The following RIMBP2 variants were observed in gnomAD, a reference collection of about 807,000 sequenced individuals.
RIMBP2 encodes the protein RIMS binding protein 2.
A neutral mutation model predicts 118.6 loss-of-function variants in RIMBP2; 48 were observed. That is an observed-to-expected ratio of 0.40 (90% CI 0.32 to 0.51). RIMBP2 has a LOEUF of 0.51. Ranked by LOEUF, RIMBP2 falls within the 20% of genes least tolerant of loss-of-function variation. The pLI, the probability that RIMBP2 is intolerant of heterozygous loss-of-function variation, is 0.41. For missense variants in RIMBP2, 1,551 were observed against 1,768.3 expected (o/e 0.88, Z 2.20); for synonymous variants, 762 against 742.9 (o/e 1.03, Z -0.42).
chr12:130,431,452 A>G lies in RIMBP2; in HGVS notation c.2254-3115T>C, dbSNP rs57341561. 573 of 411,460 alleles carry G rather than the reference A, an allele frequency of 1.4e-3. 2 individuals are homozygous for G. Among genetic ancestry groups the G allele is most frequent in the African/African-American group, 0.01 (503 of 49,672 alleles). 25.5% of individuals were successfully genotyped at this position (411,460 alleles called of 1,614,324 possible). A position where few individuals can be genotyped will look rare whatever the true frequency, so the allele number is the denominator to read the frequency against. On this transcript the variant is annotated intron_variant, in intron 14 of 22. Transcript: ENST00000690449. The surrounding 1 kb of genome is among the most constrained non-coding windows in gnomAD (Gnocchi z 4.0). ...CGTCACCTAGCCAGACGCCATCTGT[A>G]TGATTAATGAATGTATTCTTTGAAT... is the stretch of plus-strand genomic sequence containing the variant.
intron 21 of RIMBP2, among the ~76,000 whole-genome samples, chr12:130,403,364 A>AACTT (rs1231301618): frequency 6.6e-6 from 1 of 152,220 alleles, no homozygotes; most frequent in Non-Finnish European, 1.5e-5. Context: ...ATAATATAAA[A>AACTT]ACTTAGGGAA....
intron 1 of RIMBP2, among the ~76,000 whole-genome samples, chr12:130,659,656 C>G (rs1210671982): frequency 6.6e-6 from 1 of 151,268 alleles, no homozygotes; most frequent in Non-Finnish European, 1.5e-5. Context: ...ACCATTTCAA[C>G]ATGGAATGAA....
Position 130,424,633 on chromosome 12 carries a change from G to T in RIMBP2, c.2638C>A (p.Arg880=). The T allele has an allele frequency of 8.1e-7, 1 of 1,231,882 alleles. No homozygotes were observed. The allele number at this position is 1,231,882 out of a possible 1,614,324, so 76.3% of individuals were successfully genotyped here. ...GRPYRGDEAP[R]GSWFPVKHRG... is the part of the protein sequence containing the mutation. Reference sequence around the variant, plus strand: ...TGCTTCACCGGGAACCAGGAGCCCCGAGGGGCCTCGTCGCCCCTGTAGGGC... The same window carrying T: ...TGCTTCACCGGGAACCAGGAGCCCCTAGGGGCCTCGTCGCCCCTGTAGGGC... The change falls in exon 16 of 23, where the codon CGG becomes AGG. Residue 880 remains arginine (R), a synonymous_variant. Transcript: ENST00000690449. The surrounding 1 kb of genome is among the most constrained non-coding windows in gnomAD (Gnocchi z 9.8).
intron 1 of RIMBP2, among the ~76,000 whole-genome samples, chr12:130,642,378 G>A (rs868234090): frequency 3.3e-5 from 5 of 152,026 alleles, no homozygotes; most frequent in Admixed American, 6.6e-5. Context: ...TCCACCTCCC[G>A]GGTTCAAGGA....
chr12:130,629,755 T>C (rs2061867746), intron 1 of RIMBP2, among the ~76,000 whole-genome samples: 1 of 152,160 alleles, frequency 6.6e-6, no homozygotes, highest in Non-Finnish European at 1.5e-5. Context: ...ATGTTTGACA[T>C]GAGGAGATTC....
chr12:130,445,565 T>G lies in RIMBP2; in HGVS notation c.582-296A>C, dbSNP rs540897222. Among the ~76,000 whole-genome samples the G allele has an allele frequency of 3.3e-3, 503 of 152,348 alleles. 2 individuals are homozygous for G. Among genetic ancestry groups the G allele is most frequent in the African/African-American group, 0.011 (467 of 41,578 alleles). ...ACATTCTATTCACACTTATCTCTTCTGCTGTAACTATACATCTCCAAATTA... is the reference window on the plus strand; with the variant it reads ...ACATTCTATTCACACTTATCTCTTCGGCTGTAACTATACATCTCCAAATTA... On this transcript the variant is annotated intron_variant, in intron 9 of 22. Transcript: ENST00000690449.
intron 1 of RIMBP2, among the ~76,000 whole-genome samples, chr12:130,675,042 A>G (rs2064388163): frequency 6.6e-6 from 1 of 152,158 alleles, no homozygotes; most frequent in Non-Finnish European, 1.5e-5. Flanking sequence ...AGCTTTTTAC[A>G]GATGTTCCCA....
chr12:130,529,117 A>G (rs1298067288), intron 2 of RIMBP2, among the ~76,000 whole-genome samples: 2 of 146,696 alleles, frequency 1.4e-5, no homozygotes, highest in East Asian at 2.0e-4. Context: ...TCTTCAGCCT[A>G]CAGAAGGAAT....
chr12:130,715,171 T>C (rs1566478795), intron 1 of RIMBP2, among the ~76,000 whole-genome samples: 1 of 152,248 alleles, frequency 6.6e-6, no homozygotes, highest in Admixed American at 6.5e-5. Context: ...TTCACCCTTG[T>C]GAGCAGAGTC....
chr12:130,474,296 CT>C (rs1164587472), intron 5 of RIMBP2, among the ~76,000 whole-genome samples: 2 of 152,238 alleles, frequency 1.3e-5, no homozygotes, highest in Non-Finnish European at 2.9e-5. Context: ...CAGGCATTTA[CT>C]GAATGTTAAT....
chr12:130,637,014 C>T (rs985761429), intron 1 of RIMBP2, among the ~76,000 whole-genome samples: 5 of 152,164 alleles, frequency 3.3e-5, no homozygotes, highest in African/African-American at 7.2e-5. Flanking sequence ...AAGGTGTGTA[C>T]GCTATGCCTA....
At chr12:130,464,449 T>C (rs2080277224) in intron 6 of RIMBP2, among the ~76,000 whole-genome samples, 1 of 152,110 alleles carries the variant, frequency 6.6e-6, no homozygotes, top group Admixed American at 6.5e-5. Context: ...CCAGGCCCTC[T>C]GATTTCATAG....
intron 2 of RIMBP2, among the ~76,000 whole-genome samples, chr12:130,533,820 AT>A (rs1461755865): frequency 6.6e-6 from 1 of 152,206 alleles, no homozygotes; most frequent in Non-Finnish European, 1.5e-5. Flanking sequence ...CAAATACTGC[AT>A]GTTCTCAGTC....
chr12:130,579,990 C>T (rs1417306331), intron 2 of RIMBP2, among the ~76,000 whole-genome samples: 2 of 143,116 alleles, frequency 1.4e-5, no homozygotes. Flanking sequence ...CAAGACCAGC[C>T]TGGCCAACAT....
intron 21 of RIMBP2, among the ~76,000 whole-genome samples, chr12:130,402,397 A>G (rs979799264): frequency 1.3e-5 from 2 of 152,106 alleles, no homozygotes; most frequent in Non-Finnish European, 2.9e-5. Context: ...AGAACGCTGG[A>G]TAAGATCATC....
At chr12:130,611,485 C>G (rs2060547815) in intron 2 of RIMBP2, among the ~76,000 whole-genome samples, 1 of 152,228 alleles carries the variant, frequency 6.6e-6, no homozygotes, top group African/African-American at 2.4e-5. Flanking sequence ...CGATCCTCCG[C>G]TGGAAGACAC....
At chr12:130,569,066 C>T (rs956338999) in intron 2 of RIMBP2, among the ~76,000 whole-genome samples, 5 of 152,022 alleles carry the variant, frequency 3.3e-5, no homozygotes, top group African/African-American at 1.2e-4. Flanking sequence ...TTATGACTGT[C>T]TTCAGTTCCG....
intron 1 of RIMBP2, among the ~76,000 whole-genome samples, chr12:130,709,877 A>G (rs1419487760): frequency 6.6e-6 from 1 of 152,052 alleles, no homozygotes; most frequent in African/African-American, 2.4e-5. Context: ...AAATGGCCAA[A>G]TGGGCTTTCT....
At chr12:130,666,273 AAG>A (rs1412857291) in intron 1 of RIMBP2, among the ~76,000 whole-genome samples, 1 of 152,188 alleles carries the variant, frequency 6.6e-6, no homozygotes. Context: ...AGTGTGCAAG[AAG>A]AGAGAGTCTA....
Sources: allele counts gnomAD v4.1 joint callset (sites outside exome capture counted in the v4.1 genomes callset), GRCh38; gene constraint gnomAD v4.1.1; non-coding constraint Gnocchi (gnomAD v3.1); transcripts MANE v1.5; gene names NCBI Gene and HGNC (gene_info 2026-07-23, HGNC 2026-07-21).